CRADD: variants seen among roughly 807,000 people sequenced by gnomAD.
CRADD encodes the protein CARD and death domain containing adaptor protein, also known as death domain-containing protein CRADD.
Under a neutral mutation model 15.5 loss-of-function variants are expected in CRADD, and 9 were observed. That is an observed-to-expected ratio of 0.58 (90% CI 0.35 to 1.01). CRADD has a LOEUF of 1.01. Ranked by LOEUF, CRADD falls within the 50% of genes least tolerant of loss-of-function variation. The pLI is 0.02. For synonymous variants in CRADD, 118 were observed against 107.6 expected (o/e 1.10, Z -0.60); for missense variants, 227 against 250.3 (o/e 0.91, Z 0.63).
intron 2 of CRADD, among the ~76,000 whole-genome samples, chr12:93,870,710 C>A (rs1000289137): frequency 2.0e-5 from 3 of 152,198 alleles, no homozygotes; most frequent in Admixed American, 2.0e-4. Context: ...GACTGCTACT[C>A]CTCCTCAAAG....
At chr12:93,754,130 A>C (rs1002235538) in intron 2 of CRADD, among the ~76,000 whole-genome samples, 4 of 152,218 alleles carry the variant, frequency 2.6e-5, no homozygotes, top group African/African-American at 9.6e-5. Context: ...CACCATGTGG[A>C]AACTGCCAAG....
chr12:93,699,522 A>G (rs1008034931), intron 2 of CRADD, among the ~76,000 whole-genome samples: 41 of 152,368 alleles, frequency 2.7e-4, no homozygotes, highest in South Asian at 6.2e-4. Flanking sequence ...GTCTGCAGTC[A>G]TGAAGCATTT....
intron 2 of CRADD, among the ~76,000 whole-genome samples, chr12:93,702,173 A>G (rs1955855415): frequency 6.6e-6 from 1 of 152,180 alleles, no homozygotes; most frequent in Admixed American, 6.5e-5. Flanking sequence ...AAATGAGTGC[A>G]TGCTGTGAGG....
intron 2 of CRADD, among the ~76,000 whole-genome samples, chr12:93,752,850 A>G (rs945325177): frequency 2.0e-5 from 3 of 152,220 alleles, no homozygotes; most frequent in African/African-American, 4.8e-5. Flanking sequence ...TTGGACTTAC[A>G]GTTTTACATG....
intron 2 of CRADD, among the ~76,000 whole-genome samples, chr12:93,781,843 G>A (rs959666189): frequency 1.3e-5 from 2 of 152,146 alleles, no homozygotes; most frequent in African/African-American, 4.8e-5. Flanking sequence ...ACCCATTTTT[G>A]TTTTCAGTAT....
chr12:93,860,572 A>G (rs1001534147), intron 2 of CRADD, among the ~76,000 whole-genome samples: 1 of 152,204 alleles, frequency 6.6e-6, no homozygotes, highest in Non-Finnish European at 1.5e-5. Context: ...AAGGTCAGCC[A>G]GAGAAGACCC....
chr12:93,742,041 GC>G (rs1186109285), intron 2 of CRADD, among the ~76,000 whole-genome samples: 2 of 152,148 alleles, frequency 1.3e-5, no homozygotes, highest in Non-Finnish European at 2.9e-5. Flanking sequence ...TTGGGTCCTT[GC>G]TAATGTCAGC....
intron 2 of CRADD, among the ~76,000 whole-genome samples, chr12:93,689,506 A>C (rs1955517409): frequency 6.6e-6 from 1 of 152,210 alleles, no homozygotes; most frequent in African/African-American, 2.4e-5. Flanking sequence ...TTTTAATTGA[A>C]AAGGAATGTA....
chr12:93,876,376 G>T (rs1333320152), intron 2 of CRADD, among the ~76,000 whole-genome samples: 2 of 152,088 alleles, frequency 1.3e-5, no homozygotes, highest in African/African-American at 4.8e-5. Flanking sequence ...GGTTTGGGAA[G>T]TTCTCTGATA....
At chr12:93,823,437 C>G (rs1565927899) in intron 2 of CRADD, among the ~76,000 whole-genome samples, 1 of 152,150 alleles carries the variant, frequency 6.6e-6, no homozygotes, top group Non-Finnish European at 1.5e-5. Context: ...TTAGCTCCAT[C>G]CCCTTTCACT....
chr12:93,774,021 A>T (rs1957115933), intron 2 of CRADD, among the ~76,000 whole-genome samples: 1 of 140,626 alleles, frequency 7.1e-6, no homozygotes, highest in Non-Finnish European at 1.5e-5. Flanking sequence ...TTTTTTGTAG[A>T]GATGGGGTTT....
intron 2 of CRADD, among the ~76,000 whole-genome samples, chr12:93,822,806 A>G (rs997840864): frequency 2.0e-5 from 3 of 152,228 alleles, no homozygotes; most frequent in Non-Finnish European, 2.9e-5. Flanking sequence ...GATTAAGCCA[A>G]TGTAATTAGA....
At chr12:93,816,473 T>C (rs1472011827) in intron 2 of CRADD, among the ~76,000 whole-genome samples, 1 of 150,826 alleles carries the variant, frequency 6.6e-6, no homozygotes, top group African/African-American at 2.4e-5. Flanking sequence ...GTCATCTGCC[T>C]GCCTCAGCCT....
intron 2 of CRADD, among the ~76,000 whole-genome samples, chr12:93,689,255 A>C (rs1009098447): frequency 6.6e-6 from 1 of 152,204 alleles, no homozygotes; most frequent in Non-Finnish European, 1.5e-5. Context: ...GTGCAGCTTC[A>C]GAGTTTCACC....
chr12:93,840,899 C>G (rs1379094264), intron 2 of CRADD, among the ~76,000 whole-genome samples: 2 of 152,152 alleles, frequency 1.3e-5, no homozygotes, highest in Non-Finnish European at 2.9e-5. Flanking sequence ...GGATCTTATA[C>G]AGTCCAGACA....
intron 2 of CRADD, among the ~76,000 whole-genome samples, chr12:93,740,433 C>A (rs1156854582): frequency 6.6e-6 from 1 of 152,082 alleles, no homozygotes; most frequent in Non-Finnish European, 1.5e-5. Flanking sequence ...TTTCTATGAC[C>A]TGAAGACTTT....
intron 2 of CRADD, among the ~76,000 whole-genome samples, chr12:93,877,451 G>T (rs1565946541): frequency 6.6e-6 from 1 of 152,230 alleles, no homozygotes; most frequent in Non-Finnish European, 1.5e-5. Flanking sequence ...TGGGTCCAGA[G>T]GTGCTGTACA....
At chr12:93,715,992 C>T (rs181592503) in intron 2 of CRADD, among the ~76,000 whole-genome samples, 7 of 151,846 alleles carry the variant, frequency 4.6e-5, no homozygotes, top group Non-Finnish European at 8.8e-5. Flanking sequence ...ATTAGCCAGG[C>T]GTAGTGGCAG....
At chr12:93,808,818 A>G (rs1377605077) in intron 2 of CRADD, among the ~76,000 whole-genome samples, 9 of 152,114 alleles carry the variant, frequency 5.9e-5, no homozygotes. Flanking sequence ...CCATGTTCCT[A>G]GGAGGTCGGG....
Sources: gnomAD v4.1 joint callset for allele counts (sites outside exome capture counted in the v4.1 genomes callset) on GRCh38, gnomAD v4.1.1 for gene constraint, MANE v1.5 for transcripts, NCBI Gene and HGNC (gene_info 2026-07-23, HGNC 2026-07-21) for gene names.